RIMBP2: variants seen among roughly 807,000 people sequenced by gnomAD.
RIMBP2 encodes the protein RIMS binding protein 2.
A neutral mutation model predicts 118.6 loss-of-function variants in RIMBP2; 48 were observed. That is an observed-to-expected ratio of 0.40 (90% CI 0.32 to 0.51). The LOEUF is 0.51. Among genes scored for constraint, RIMBP2 ranks in the 20% least tolerant of loss-of-function variants. The pLI is 0.41. For missense variants in RIMBP2, 1,551 were observed against 1,768.3 expected (o/e 0.88, Z 2.20); for synonymous variants, 762 against 742.9 (o/e 1.03, Z -0.42).
intron 4 of RIMBP2, among the ~76,000 whole-genome samples, chr12:130,498,139 C>T (rs565820729): frequency 1.3e-5 from 2 of 152,066 alleles, no homozygotes; most frequent in African/African-American, 4.8e-5. Context: ...AGGCCTCCGG[C>T]TGCCCCGTCA....
intron 4 of RIMBP2, among the ~76,000 whole-genome samples, chr12:130,487,898 T>C (rs561877965): frequency 6.6e-6 from 1 of 152,150 alleles, no homozygotes; most frequent in South Asian, 2.1e-4. Context: ...CCCCTCTCCA[T>C]CCCTCACAGC....
chr12:130,437,468 G>A (rs2077615327), intron 12 of RIMBP2, among the ~76,000 whole-genome samples, 177 bp from the exon 13 acceptor site: 1 of 152,120 alleles, frequency 6.6e-6, no homozygotes, highest in African/African-American at 2.4e-5. Context: ...GGAGGGGGCG[G>A]GGCAGGTTCA....
At position 130,617,367 on chromosome 12, in the gene RIMBP2, C is replaced by T. The variant is rs1163336353; in HGVS notation, c.-217+10955G>A. Among the ~76,000 whole-genome samples the T allele has an allele frequency of 1.3e-5, 2 of 152,362 alleles. No individual in the cohort carries two copies. Among genetic ancestry groups the T allele is most frequent in the African/African-American group, 4.8e-5 (2 of 41,590 alleles). ...CTCTCACTGACATTTCCTCTCCCTC[C>T]TCACTGGAAGGAGTGAGTCACCATC... On this transcript the variant is annotated intron_variant, in intron 2 of 22. Coordinates refer to ENST00000690449, the MANE Select transcript of RIMBP2 (RefSeq NM_001393629.1). This position sits in a 1 kb window ranked among gnomAD's most constrained non-coding sequence, Gnocchi z 4.6.
chr12:130,574,070 G>A (rs898375140), intron 2 of RIMBP2, among the ~76,000 whole-genome samples: 3 of 152,170 alleles, frequency 2.0e-5, no homozygotes, highest in East Asian at 1.9e-4. Context: ...GGGATGGCAC[G>A]CGGGGAGGTC....
intron 1 of RIMBP2, among the ~76,000 whole-genome samples, chr12:130,693,257 T>A (rs985237269): frequency 1.3e-5 from 2 of 152,084 alleles, no homozygotes; most frequent in Non-Finnish European, 2.9e-5. Flanking sequence ...AAAGAAAGAA[T>A]GAATGAATGA....
At chr12:130,479,067 G>C in intron 4 of RIMBP2, 51 bp from the exon 5 acceptor site, 1 of 1,475,996 alleles carries the variant, frequency 6.8e-7, no homozygotes, top group South Asian at 1.2e-5. Context: ...GTGCCCATGG[G>C]CGTGCATCCT....
At chr12:130,432,105 G>A (rs986517588) in intron 14 of RIMBP2, 3 of 397,454 alleles carry the variant, frequency 7.5e-6, no homozygotes, top group Admixed American at 5.7e-5. Flanking sequence ...TTCACCCAGA[G>A]AACAAGTGCT....
rs200990304 is a variant in RIMBP2 at position 130,406,143 on chromosome 12, T to C, written c.3765+29A>G. On this transcript the variant is annotated intron_variant, in intron 21 of 22. Transcript: ENST00000690449. ...AATAAATGAAAATACAAAAATCAAA[T>C]GGTACTTCTTGATATTTCAAAAACT... is the stretch of plus-strand genomic sequence containing the variant. The C allele has an allele frequency of 1.8e-3, 2,259 of 1,275,660 alleles. 6 individuals are homozygous for C. Among genetic ancestry groups the C allele is most frequent in the Non-Finnish European group, 2.3e-3 (2,024 of 879,734 alleles). 79.0% of individuals were successfully genotyped at this position (1,275,660 alleles called of 1,614,324 possible).
intron 22 of RIMBP2, chr12:130,399,223 A>G: frequency 2.1e-6 from 2 of 949,330 alleles, no homozygotes. Context: ...ATATAGAAAA[A>G]CTTGCAGTGA....
intron 20 of RIMBP2, among the ~76,000 whole-genome samples, chr12:130,406,932 C>CA (rs2075233902): frequency 6.6e-6 from 1 of 152,214 alleles, no homozygotes; most frequent in East Asian, 1.9e-4. Flanking sequence ...TAAGCCACCG[C>CA]ACCCAGCCTA....
At chr12:130,713,767 G>C (rs1198402874) in intron 1 of RIMBP2, among the ~76,000 whole-genome samples, 2 of 152,204 alleles carry the variant, frequency 1.3e-5, no homozygotes, top group African/African-American at 4.8e-5. Flanking sequence ...AAGCTCCCGG[G>C]TCAGGCCCTC....
chr12:130,545,550 G>A (rs996576246), intron 2 of RIMBP2, among the ~76,000 whole-genome samples: 7 of 151,864 alleles, frequency 4.6e-5, no homozygotes, highest in African/African-American at 1.5e-4. Context: ...TTCTTGTAAC[G>A]TGGCTGCTCA....
At chr12:130,610,951 C>T (rs551225116) in intron 2 of RIMBP2, among the ~76,000 whole-genome samples, 30 of 152,318 alleles carry the variant, frequency 2.0e-4, no homozygotes, top group Non-Finnish European at 3.7e-4. Flanking sequence ...TGCTGCCCAG[C>T]GAGTCCCTGG....
intron 2 of RIMBP2, among the ~76,000 whole-genome samples, chr12:130,610,750 C>CG (rs1257715632): frequency 3.3e-5 from 5 of 151,290 alleles, no homozygotes; most frequent in African/African-American, 1.2e-4. Flanking sequence ...TTAGTAGAGA[C>CG]GGGGTTTCAC....
At chr12:130,701,761 C>A (rs896028429) in intron 1 of RIMBP2, among the ~76,000 whole-genome samples, 2 of 152,050 alleles carry the variant, frequency 1.3e-5, no homozygotes, top group Non-Finnish European at 2.9e-5. Flanking sequence ...AATAATAGCA[C>A]GTCTTTAAAT....
At chr12:130,651,433 G>A (rs1319450795) in intron 1 of RIMBP2, 1 of 152,288 alleles carries the variant, frequency 6.6e-6, no homozygotes, top group African/African-American at 2.4e-5. Context: ...AGCCTGTGAT[G>A]CGTATGTATG....
rs964454930 is a variant in RIMBP2, at chr12:130,475,729, A to C, written c.102+3183T>G. ...GGGAACAAAGGAATGATGGGTACAC[A>C]GAGAAGTAAGACAACAAGCAAACAA... On this transcript the variant is annotated intron_variant, in intron 5 of 22. Coordinates refer to ENST00000690449, the MANE Select transcript of RIMBP2 (RefSeq NM_001393629.1). The surrounding 1 kb of genome is among the most constrained non-coding windows in gnomAD (Gnocchi z 4.1). Among the ~76,000 whole-genome samples, 5 of 152,104 alleles carry C rather than the reference A, an allele frequency of 3.3e-5. No individual in the cohort carries two copies. Among genetic ancestry groups the C allele is most frequent in the Non-Finnish European group, 7.4e-5 (5 of 68,022 alleles).
In RIMBP2 at chr12:130,676,797, G is replaced by A. The variant is rs149302147; in HGVS notation, c.-352+39425C>T. On this transcript the variant is annotated intron_variant, in intron 1 of 22. Transcript: ENST00000690449. ...CCCACAGGCTTCCTGCCGATCCCACGCATGTGGCCTGCAGGGAGAGGCAGA... is the reference window on the plus strand; with the variant it reads ...CCCACAGGCTTCCTGCCGATCCCACACATGTGGCCTGCAGGGAGAGGCAGA... 8.2e-4 allele frequency among the ~76,000 whole-genome samples: 125 copies of A among 152,248 alleles called. 1 individual carries two copies. The East Asian group carries it at 0.01, about 12-fold the overall frequency.
At chr12:130,413,052 G>C (rs78155941) in intron 18 of RIMBP2, among the ~76,000 whole-genome samples, 2 of 151,962 alleles carry the variant, frequency 1.3e-5, no homozygotes, top group Non-Finnish European at 2.9e-5. Flanking sequence ...TGTTTGCTTG[G>C]ATGAATGCAT....
Sources: gnomAD v4.1 joint callset for allele counts (sites outside exome capture counted in the v4.1 genomes callset) on GRCh38, gnomAD v4.1.1 for gene constraint, Gnocchi (gnomAD v3.1) non-coding constraint, MANE v1.5 for transcripts, NCBI Gene and HGNC (gene_info 2026-07-23, HGNC 2026-07-21) for gene names.